Variants in CSN3 observed in about 807,000 individuals in gnomAD.
CSN3 encodes the protein casein kappa.
Under a neutral mutation model 9.9 loss-of-function variants are expected in CSN3, and 7 were observed. That is an observed-to-expected ratio of 0.71 (90% CI 0.40 to 1.33). The LOEUF is 1.33. CSN3 is among the 40% of genes most tolerant of loss of function. CSN3 has a pLI of 0.01. For synonymous variants in CSN3, 88 were observed against 82.3 expected, an observed-to-expected ratio of 1.07 and a Z score of -0.37; for missense variants, 253 against 227.9, an observed-to-expected ratio of 1.11 and a Z score of -0.71.
upstream of CSN3, among the ~76,000 whole-genome samples, chr4:70,240,148 CA>C (rs1316649566): frequency 3.3e-5 from 5 of 151,686 alleles, no homozygotes; most frequent in Non-Finnish European, 7.4e-5. Context: ...AAGTACATTT[CA>C]AAAGTAAGAA....
upstream of CSN3, among the ~76,000 whole-genome samples, chr4:70,242,008 C>T (rs142713038): frequency 6.6e-6 from 1 of 151,968 alleles, no homozygotes; most frequent in Non-Finnish European, 1.5e-5. Context: ...AGGAAGAAGA[C>T]CAACCACAGT....
chr4:70,244,001 T>C (rs1730323544), intron 1 of CSN3, among the ~76,000 whole-genome samples: 1 of 152,060 alleles, frequency 6.6e-6, no homozygotes, highest in Non-Finnish European at 1.5e-5. Flanking sequence ...TTATAGAATT[T>C]TAGAAATCTC....
upstream of CSN3, among the ~76,000 whole-genome samples, chr4:70,241,132 T>C (rs899151212): frequency 1.3e-5 from 2 of 152,004 alleles, no homozygotes; most frequent in East Asian, 3.9e-4. Flanking sequence ...CTATGTGAAA[T>C]AGAACACCTT....
rs1730476378 is a variant in CSN3, at chr4:70,251,259, T to G, written c.*35-3T>G. The G allele has an allele frequency of 6.6e-6, 1 of 152,198 alleles. No individual in the cohort carries two copies. The highest frequency in any genetic ancestry group is 6.6e-5 in the Admixed American group (1 of 15,266). 9.4% of individuals were successfully genotyped at this position (152,198 alleles called of 1,614,324 possible). A position where few individuals can be genotyped will look rare whatever the true frequency, so the allele number is the denominator to read the frequency against. ...ATTTCTAAACTATCATTATTTTTTA[T>G]AGGACTTGCTGAAACCAAATTACTA... On this transcript the variant is annotated splice_region_variant and splice_polypyrimidine_tract_variant and intron_variant, in intron 4 of 4. Transcript: ENST00000304954.
intron 2 of CSN3, among the ~76,000 whole-genome samples, chr4:70,247,396 C>T (rs1426144845): frequency 6.6e-6 from 1 of 152,014 alleles, no homozygotes; most frequent in Non-Finnish European, 1.5e-5. Flanking sequence ...CTAAGTAAAC[C>T]TTATGAATCA....
At chr4:70,244,739 T>C in intron 1 of CSN3, 73 bp from the exon 2 acceptor site, 1 of 753,780 alleles carries the variant, frequency 1.3e-6, no homozygotes, top group Non-Finnish European at 1.9e-6. Flanking sequence ...CAAGGAAACA[T>C]TGTATTCAAG....
chr4:70,248,785 A>T (rs1730426323), intron 3 of CSN3, among the ~76,000 whole-genome samples: 1 of 148,990 alleles, frequency 6.7e-6, no homozygotes, highest in Admixed American at 6.6e-5. Flanking sequence ...TTATATTAAT[A>T]TTATCAAAAT....
upstream of CSN3, among the ~76,000 whole-genome samples, chr4:70,239,412 G>A (rs987405862): frequency 6.6e-6 from 1 of 151,820 alleles, no homozygotes; most frequent in Non-Finnish European, 1.5e-5. Flanking sequence ...AGTAAACATA[G>A]GACAGGATTA....
exon 4 of CSN3, chr4:70,249,139 C>T (rs1279583151): frequency 9.3e-6 from 15 of 1,614,034 alleles, no homozygotes; most frequent in East Asian, 2.2e-5. Flanking sequence ...TCCATATGTG[C>T]CTCGCACATA....
intron 4 of CSN3, among the ~76,000 whole-genome samples, chr4:70,250,424 A>G (rs947362286): frequency 6.6e-6 from 1 of 152,136 alleles, no homozygotes; most frequent in African/African-American, 2.4e-5. Context: ...TAATGACCAT[A>G]GGCTGGTCAT....
chr4:70,245,872 T>C (rs1730366744), intron 2 of CSN3, among the ~76,000 whole-genome samples: 1 of 152,188 alleles, frequency 6.6e-6, no homozygotes. Context: ...TACAACTCAA[T>C]ACTTTGTGGT....
upstream of CSN3, among the ~76,000 whole-genome samples, chr4:70,240,453 T>C (rs1730250667): frequency 1.3e-5 from 2 of 152,034 alleles, no homozygotes; most frequent in African/African-American, 4.8e-5. Context: ...GATGCATAAG[T>C]AGATAAAGAC....
intron 4 of CSN3, among the ~76,000 whole-genome samples, chr4:70,250,310 A>T (rs1730456994): frequency 6.6e-6 from 1 of 152,172 alleles, no homozygotes; most frequent in African/African-American, 2.4e-5. Context: ...TTTTCAGTCC[A>T]TCAGATGTCT....
chr4:70,248,768 A>G (rs1730426129), intron 3 of CSN3, among the ~76,000 whole-genome samples: 2 of 151,284 alleles, frequency 1.3e-5, no homozygotes, highest in African/African-American at 4.9e-5. Flanking sequence ...ATTTCTTGAA[A>G]CAAATATTAT....
At chr4:70,241,160 C>T (rs1730262871), upstream of CSN3, among the ~76,000 whole-genome samples, 1 of 151,850 alleles carries the variant, frequency 6.6e-6, no homozygotes, top group Non-Finnish European at 1.5e-5. Context: ...TGAGGAATGA[C>T]CGGATCATGA....
chr4:70,248,501 T>C lies in CSN3; in HGVS notation c.88-497T>C, dbSNP rs569258386. ...ATTATGTTACTATTCTGCTATAGTTTAGGAAAAAATAAATGTGCTCTTGGG... is the reference window on the plus strand; with the variant it reads ...ATTATGTTACTATTCTGCTATAGTTCAGGAAAAAATAAATGTGCTCTTGGG... On this transcript the variant is annotated intron_variant, in intron 3 of 4. Coordinates refer to ENST00000304954, the Ensembl canonical transcript of CSN3. Among the ~76,000 whole-genome samples the C allele has an allele frequency of 5.3e-5, 8 of 152,282 alleles. 1 individual carries two copies. Among genetic ancestry groups the C allele is most frequent in the African/African-American group, 1.4e-4 (6 of 41,586 alleles).
chr4:70,247,343 A>G (rs1730398920), intron 2 of CSN3, among the ~76,000 whole-genome samples: 1 of 152,162 alleles, frequency 6.6e-6, no homozygotes, highest in Non-Finnish European at 1.5e-5. Flanking sequence ...AAACACTATT[A>G]TTTATATGTT....
intron 2 of CSN3, among the ~76,000 whole-genome samples, chr4:70,247,197 G>A (rs1382170887): frequency 6.6e-6 from 1 of 151,894 alleles, no homozygotes; most frequent in Non-Finnish European, 1.5e-5. Flanking sequence ...CCTTTCAAAA[G>A]TTTCTAAAAG....
chr4:70,240,435 T>C (rs1009775537), upstream of CSN3, among the ~76,000 whole-genome samples: 4 of 151,984 alleles, frequency 2.6e-5, no homozygotes, highest in African/African-American at 9.7e-5. Flanking sequence ...GCCATGCCCC[T>C]GTTGATGGAT....
Sources: gnomAD v4.1 joint callset for allele counts (sites outside exome capture counted in the v4.1 genomes callset) on GRCh38, gnomAD v4.1.1 for gene constraint, MANE v1.5 for transcripts, NCBI Gene and HGNC (gene_info 2026-07-23, HGNC 2026-07-21) for gene names.